The following HIF3A variants were observed in gnomAD, a reference collection of about 807,000 sequenced individuals.
The protein encoded by HIF3A is hypoxia-inducible factor 3-alpha.
HIF3A carries 41 observed loss-of-function variants against 67.2 expected under a neutral mutation model. The observed-to-expected ratio is 0.61, with a 90% CI of 0.48 to 0.79. HIF3A has a LOEUF of 0.79. Ranked by LOEUF, HIF3A falls within the 30% of genes least tolerant of loss-of-function variation. The pLI, the probability that HIF3A is intolerant of heterozygous loss-of-function variation, is 0.00. For missense variants in HIF3A, 855 were observed against 898.0 expected, an observed-to-expected ratio of 0.95 and a Z score of 0.61; for synonymous variants, 356 against 374.8, an observed-to-expected ratio of 0.95 and a Z score of 0.58.
chr19:46,298,888 G>GC lies in HIF3A; in HGVS notation c.26+1795dup, dbSNP rs60593560. On this transcript the variant is annotated intron_variant, in intron 1 of 14. Transcript: ENST00000377670. Reference sequence around the variant, plus strand: ...AAATCCTCTGTGCTTTTCGTAAGACGCCCCCCCCCAATACCCAGCTGGGTG... The same window carrying GC: ...AAATCCTCTGTGCTTTTCGTAAGACGCCCCCCCCCCAATACCCAGCTGGGTG... Among the ~76,000 whole-genome samples, 698 of 150,768 alleles carry GC rather than the reference G, an allele frequency of 4.6e-3. 3 individuals carry two copies. Among genetic ancestry groups the GC allele is most frequent in the African/African-American group, 0.015 (595 of 40,992 alleles).
intron 1 of HIF3A, chr19:46,298,219 C>T: frequency 3.0e-6 from 1 of 329,780 alleles, no homozygotes; most frequent in South Asian, 2.2e-5. Flanking sequence ...CCCCCATCCT[C>T]TCCCCTGTCC....
At chr19:46,303,647 G>A (rs1447057826) in intron 1 of HIF3A, 3 of 1,584,734 alleles carry the variant, frequency 1.9e-6, no homozygotes, top group East Asian at 2.3e-5. Flanking sequence ...CCACAGAGAG[G>A]AGCGAGGCGC....
chr19:46,337,301 A>C (rs1380687300), intron 14 of HIF3A, among the ~76,000 whole-genome samples: 1 of 152,054 alleles, frequency 6.6e-6, no homozygotes, highest in African/African-American at 2.4e-5. Context: ...CCCAGGCTGG[A>C]GCACAGTGGT....
At chr19:46,309,417 C>A in intron 6 of HIF3A, 58 bp downstream of exon 6, 2 of 1,071,844 alleles carry the variant, frequency 1.9e-6, no homozygotes, top group Non-Finnish European at 2.7e-6. Flanking sequence ...CCCTCCCCAC[C>A]TCCACACTCC....
intron 8 of HIF3A, among the ~76,000 whole-genome samples, chr19:46,313,545 C>T (rs1332182191): frequency 6.8e-6 from 1 of 147,660 alleles, no homozygotes; most frequent in African/African-American, 2.5e-5. Flanking sequence ...ATGGTAAATT[C>T]TCTTTATGGT....
chr19:46,322,901 C>T (rs146196082), intron 10 of HIF3A, among the ~76,000 whole-genome samples: 3 of 152,272 alleles, frequency 2.0e-5, no homozygotes, highest in East Asian at 1.9e-4. Flanking sequence ...CATGCCGTCC[C>T]GGGCACCACC....
chr19:46,315,664 A>T (rs1969857403), intron 8 of HIF3A, among the ~76,000 whole-genome samples: 1 of 152,230 alleles, frequency 6.6e-6, no homozygotes, highest in Admixed American at 6.5e-5. Context: ...CTGTAATCCC[A>T]GCACTTTGGG....
At chr19:46,302,575 T>C (rs1471828677) in intron 1 of HIF3A, among the ~76,000 whole-genome samples, 1 of 152,186 alleles carries the variant, frequency 6.6e-6, no homozygotes, top group East Asian at 1.9e-4. Context: ...CTTCCGGCTA[T>C]AATTTTGTAT....
In HIF3A at chr19:46,339,543, T is replaced by C. The variant is rs1458953115; in HGVS notation, c.1931T>C (p.Leu644Pro). The C allele has an allele frequency of 6.2e-7, 1 of 1,602,232 alleles. No homozygotes were observed. Among genetic ancestry groups the C allele is most frequent in the East Asian group, 2.3e-5 (1 of 44,216 alleles). Residue 644 changes from leucine to proline, a missense_variant, in exon 15 of 15, where the codon CTC (leucine) becomes CCC (proline). By Grantham distance (98) the Leu-to-Pro change is moderately conservative. Coordinates refer to ENST00000377670, the MANE Select transcript of HIF3A (RefSeq NM_152795.4). ...NEPLGLGPSL[L>P]SPYSDEDTTQ... Reference sequence around the variant, plus strand: ...TTTGCAGGCCTGGGCCCCTCACTGCTCTCTCCGTACTCAGACGAGGACACT... The same window carrying C: ...TTTGCAGGCCTGGGCCCCTCACTGCCCTCTCCGTACTCAGACGAGGACACT...
intron 4 of HIF3A, 163 bp downstream of exon 4, chr19:46,308,468 T>TG (rs1315096295): frequency 4.5e-5 from 29 of 637,850 alleles, no homozygotes; most frequent in African/African-American, 1.5e-4. Flanking sequence ...GACCCTGCCC[T>TG]GGGGGGGTCT....
chr19:46,305,138 A>G, intron 2 of HIF3A, 107 bp from the exon 3 acceptor site: 2 of 1,517,558 alleles, frequency 1.3e-6, no homozygotes, highest in Non-Finnish European at 1.8e-6. Flanking sequence ...GGGTGCATGT[A>G]AGTTTCTCTG....
intron 8 of HIF3A, among the ~76,000 whole-genome samples, chr19:46,315,566 T>C (rs1157988090): frequency 6.6e-6 from 1 of 152,002 alleles, no homozygotes; most frequent in Non-Finnish European, 1.5e-5. Flanking sequence ...TTCTCTTGGG[T>C]AAACAGCTAG....
intron 1 of HIF3A, among the ~76,000 whole-genome samples, chr19:46,301,758 G>T (rs1004707181): frequency 6.6e-6 from 1 of 151,118 alleles, no homozygotes; most frequent in African/African-American, 2.4e-5. Flanking sequence ...GCAGGCGGAG[G>T]CTGCAGTGAG....
chr19:46,297,106 C>T lies in HIF3A; in HGVS notation c.26+4C>T, dbSNP rs1260111624. 7.7e-7 allele frequency: 1 copy of T among 1,299,426 alleles called. No individual in the cohort carries two copies. The highest frequency in any genetic ancestry group is 3.2e-5 in the South Asian group (1 of 31,200). The allele number at this position is 1,299,426 out of a possible 1,614,324, so 80.5% of individuals were successfully genotyped here. Reference sequence around the variant, plus strand: ...CGCTGGGGCTGCAGCGCGCAAGGTACTGAAGTTCGGGGGCAGGAGTTCTGG... The same window carrying T: ...CGCTGGGGCTGCAGCGCGCAAGGTATTGAAGTTCGGGGGCAGGAGTTCTGG... On this transcript the variant is annotated splice_donor_region_variant and intron_variant, in intron 1 of 14. Coordinates refer to ENST00000377670, the MANE Select transcript of HIF3A (RefSeq NM_152795.4). This position sits in a 1 kb window ranked among gnomAD's most constrained non-coding sequence, Gnocchi z 4.5.
intron 3 of HIF3A, chr19:46,306,677 C>A (rs1601216686): frequency 6.6e-6 from 1 of 152,312 alleles, no homozygotes; most frequent in East Asian, 1.9e-4. Context: ...TAGTTGGTAT[C>A]TGTTCCTTTT....
At chr19:46,314,778 C>G (rs1048322495) in intron 8 of HIF3A, among the ~76,000 whole-genome samples, 1 of 146,334 alleles carries the variant, frequency 6.8e-6, no homozygotes, top group African/African-American at 2.5e-5. Context: ...AGGCTGGTCT[C>G]GAACTCCTGA....
rs556051235 is a variant in HIF3A at position 46,309,417 on chromosome 19, C to T, written c.770+58C>T. 1.8e-4 allele frequency: 195 copies of T among 1,071,726 alleles called. 1 individual carries two copies. In the South Asian group the frequency reaches 2.8e-3, roughly 15 times the overall value. 66.4% of individuals were successfully genotyped at this position (1,071,726 alleles called of 1,614,324 possible). A position where few individuals can be genotyped will look rare whatever the true frequency, so the allele number is the denominator to read the frequency against. ...GTTCAAGTGCTGTTTCCCTCCCCAC[C>T]TCCACACTCCCGCATTTCTCTCTCT... On this transcript the variant is annotated intron_variant, in intron 6 of 14. Coordinates refer to ENST00000377670, the MANE Select transcript of HIF3A (RefSeq NM_152795.4).
rs774466778 is a variant in HIF3A at position 46,329,390 on chromosome 19, C to T, written c.1624C>T (p.Arg542Cys). 1.1e-5 allele frequency: 17 copies of T among 1,609,600 alleles called. No homozygotes were observed. Among genetic ancestry groups the T allele is most frequent in the Admixed American group, 3.3e-5 (2 of 59,752 alleles). Residue 542 changes from arginine to cysteine, a missense_variant, in exon 12 of 15, where the codon CGC becomes TGC. Around this residue, in one of 3 missense-constraint regions of HIF3A, gnomAD observed 199 missense variants for 193.8 expected, o/e 1.03. Transcript: ENST00000377670. The part of the protein sequence containing the change: ...PPALEPSLLP[R>C]WGSDPRLSCS... ...AGCCCTTGAGCCCTCCCTGCTACCC[C>T]GCTGGGGGAGTGACCCCCGGCTGAG... is the stretch of plus-strand genomic sequence containing the variant.
At chr19:46,323,577 G>C (rs1009497068) in intron 10 of HIF3A, among the ~76,000 whole-genome samples, 5 of 152,076 alleles carry the variant, frequency 3.3e-5, no homozygotes, top group African/African-American at 1.2e-4. Flanking sequence ...CAGGAACCAT[G>C]CACAAAATCA....
Sources: allele counts gnomAD v4.1 joint callset (sites outside exome capture counted in the v4.1 genomes callset), GRCh38; gene constraint gnomAD v4.1.1; regional missense constraint gnomAD v4.1.1; non-coding constraint Gnocchi (gnomAD v3.1); transcripts MANE v1.5; gene names NCBI Gene and HGNC (gene_info 2026-07-23, HGNC 2026-07-21).